ANKS3: variants seen among roughly 807,000 people sequenced by gnomAD.
The protein encoded by ANKS3 is ankyrin repeat and SAM domain-containing protein 3.
A neutral mutation model predicts 80.7 loss-of-function variants in ANKS3; 62 were observed. The observed-to-expected ratio is 0.77, with a 90% CI of 0.63 to 0.95. The LOEUF (loss-of-function observed/expected upper bound fraction) is 0.95, where lower values mean the gene tolerates loss of function less well. ANKS3 is among the 40% of genes least tolerant of loss of function. The pLI is 0.00. For synonymous variants in ANKS3, 489 were observed against 355.3 expected, an observed-to-expected ratio of 1.38 and a Z score of -4.23; for missense variants, 1,150 against 883.6, an observed-to-expected ratio of 1.30 and a Z score of -3.82.
intron 7 of ANKS3, among the ~76,000 whole-genome samples, chr16:4,711,616 G>A (rs528680437): frequency 1.3e-5 from 2 of 151,288 alleles, no homozygotes; most frequent in African/African-American, 2.4e-5. Context: ...TACTTGGGAC[G>A]CTGAGGCAGG....
intron 14 of ANKS3, 40 bp downstream of exon 14, chr16:4,698,387 C>G (rs2142019900): frequency 1.4e-6 from 2 of 1,446,638 alleles, no homozygotes; most frequent in Middle Eastern, 2.0e-4. Context: ...AGGTGGCTGA[C>G]CACTGGAGAC....
chr16:4,714,264 C>T, intron 6 of ANKS3, 78 bp from the exon 7 acceptor site: 3 of 1,574,932 alleles, frequency 1.9e-6, no homozygotes, highest in South Asian at 1.2e-5. Context: ...GCTGGGAAGA[C>T]AGAAGGGCAT....
Position 4,730,002 on chromosome 16 carries a change from C to A in ANKS3, c.148G>T (p.Val50Leu). ...TACCGCTGCACACACTCCTTCACCA[C>A]TTCATACTGGCCAATGGAAGCAGCT... ...HTAASIGQYE[V>L]VKECVQRREL... is the part of the protein sequence containing the mutation. The change falls in exon 3 of 18, where the codon GTG becomes TTG. Residue 50 changes from valine (V) to leucine (L), a missense_variant. Val to Leu is a conservative substitution (Grantham distance 32). Transcript: ENST00000304283. The A allele has an allele frequency of 5.2e-6, 8 of 1,550,808 alleles. No homozygotes were observed.
chr16:4,712,178 C>G (rs1467128312), intron 7 of ANKS3, among the ~76,000 whole-genome samples: 3 of 152,012 alleles, frequency 2.0e-5, no homozygotes, highest in Non-Finnish European at 4.4e-5. Context: ...CGAGACCAGC[C>G]TGGCCAACAT....
In ANKS3 at chr16:4,727,137, T is replaced by A; in HGVS notation, c.211A>T (p.Thr71Ser). The change falls in exon 4 of 18, where the codon ACC becomes TCC. Residue 71 changes from threonine (T) to serine (S), a missense_variant. Thr to Ser is a moderately conservative substitution (Grantham distance 58). Transcript: ENST00000304283. ...ATGTAGGAGGCATACATCAGCGGGG[T>A]CCAGCCACCACCATTCTTCTTATTC... The part of the protein sequence containing the change: ...DLNKKNGGGW[T>S]PLMYASYIGH... 1 of 1,614,060 alleles carries A rather than the reference T, an allele frequency of 6.2e-7. No homozygotes were observed. Among genetic ancestry groups the A allele is most frequent in the Non-Finnish European group, 8.5e-7 (1 of 1,180,004 alleles).
rs1596454805 is a variant in ANKS3 at position 4,727,021 on chromosome 16, G to A, written c.327C>T (p.Ala109=). Residue 109 remains alanine (A), a synonymous_variant, in exon 4 of 18, where the codon GCC becomes GCT. Coordinates refer to ENST00000304283, the MANE Select transcript of ANKS3 (RefSeq NM_133450.4). Reference sequence around the variant, plus strand: ...CGATGCTCTCGTTGCCACAGCTGGAGGCCAGCATCAGTGGAGTCTGCCCTT... The same window carrying A: ...CGATGCTCTCGTTGCCACAGCTGGAAGCCAGCATCAGTGGAGTCTGCCCTT... ...TPEGQTPLML[A]SSCGNESIAY... The A allele has an allele frequency of 6.2e-7, 1 of 1,614,186 alleles. No homozygotes were observed. The highest frequency in any genetic ancestry group is 1.3e-5 in the African/African-American group (1 of 75,046).
At chr16:4,724,414 T>G (rs530482333) in intron 6 of ANKS3, among the ~76,000 whole-genome samples, 179 of 152,260 alleles carry the variant, frequency 1.2e-3, no homozygotes, top group Middle Eastern at 6.8e-3. Flanking sequence ...ATCAGGGAGG[T>G]TGAAAAAGAG....
At chr16:4,713,436 C>T (rs1263221013) in intron 7 of ANKS3, among the ~76,000 whole-genome samples, 1 of 151,982 alleles carries the variant, frequency 6.6e-6, no homozygotes, top group Non-Finnish European at 1.5e-5. Context: ...ATAATTAATA[C>T]CCTGAGAGTT....
chr16:4,698,480 C>A lies in ANKS3; in HGVS notation c.1671G>T (p.Leu557=), dbSNP rs1480220086. The change falls in exon 14 of 18, where the codon CTG becomes CTT. Residue 557 remains leucine (L), a synonymous_variant. Coordinates refer to ENST00000304283, the MANE Select transcript of ANKS3 (RefSeq NM_133450.4). ...CCCGGGCCAGGGCCCACGTCTCCCG[C>A]AGCCGGGCCTGGAGGTCCTCGCGGG... The part of the protein sequence containing the change: ...DRAREDLQAR[L]RETWALARDA... 3 of 1,549,366 alleles carry A rather than the reference C, an allele frequency of 1.9e-6. No individual in the cohort carries two copies. Among genetic ancestry groups the A allele is most frequent in the Non-Finnish European group, 2.6e-6 (3 of 1,154,802 alleles).
chr16:4,698,355 G>T, intron 14 of ANKS3, 72 bp downstream of exon 14: 1 of 1,430,410 alleles, frequency 7.0e-7, no homozygotes, highest in Non-Finnish European at 9.1e-7. Flanking sequence ...AGGAGGAAAG[G>T]ATGTGTGGGG....
At chr16:4,701,253 G>A (rs2079885234) in intron 10 of ANKS3, 119 bp from the exon 11 acceptor site, 2 of 1,507,888 alleles carry the variant, frequency 1.3e-6, no homozygotes, top group African/African-American at 1.4e-5. Context: ...CCGCCACACA[G>A]GGGCTTCCGG....
chr16:4,701,965 C>T (rs1399034851), intron 9 of ANKS3, 137 bp downstream of exon 9: 5 of 1,104,912 alleles, frequency 4.5e-6, no homozygotes, highest in Admixed American at 2.7e-5. Context: ...GAACCAGGGC[C>T]GTCCACACCT....
intron 7 of ANKS3, among the ~76,000 whole-genome samples, chr16:4,707,272 G>A (rs1023491582): frequency 4.1e-5 from 6 of 147,642 alleles, no homozygotes; most frequent in Middle Eastern, 3.6e-3. Flanking sequence ...AATATGACAC[G>A]GAAGGACACT....
At chr16:4,706,948 G>A (rs1435508377) in intron 7 of ANKS3, among the ~76,000 whole-genome samples, 2 of 152,246 alleles carry the variant, frequency 1.3e-5, no homozygotes, top group Admixed American at 6.5e-5. Flanking sequence ...CTCAGGCCCT[G>A]AACGTGGGCC....
intron 11 of ANKS3, chr16:4,700,494 G>A (rs1396259729): frequency 3.3e-6 from 1 of 303,302 alleles, no homozygotes; most frequent in Non-Finnish European, 6.5e-6. Context: ...CACAGGGTAG[G>A]AGAACTCAGC....
intron 6 of ANKS3, among the ~76,000 whole-genome samples, chr16:4,723,395 C>G (rs915743597): frequency 1.3e-5 from 2 of 152,212 alleles, no homozygotes; most frequent in Non-Finnish European, 2.9e-5. Context: ...CCTGTTGTGT[C>G]TGGCTTCTTT....
At chr16:4,713,396 C>A (rs2080606446) in intron 7 of ANKS3, among the ~76,000 whole-genome samples, 1 of 152,004 alleles carries the variant, frequency 6.6e-6, no homozygotes, top group Non-Finnish European at 1.5e-5. Context: ...TCTCCAAAAA[C>A]CTACTGAAAT....
intron 11 of ANKS3, 29 bp downstream of exon 11, chr16:4,700,941 G>C: frequency 6.2e-7 from 1 of 1,613,346 alleles, no homozygotes; most frequent in Non-Finnish European, 8.5e-7. Context: ...GTCTCTGAGT[G>C]TAACCTCCAG....
chr16:4,715,263 G>C (rs1269481936), intron 6 of ANKS3, among the ~76,000 whole-genome samples: 1 of 152,000 alleles, frequency 6.6e-6, no homozygotes, highest in Non-Finnish European at 1.5e-5. Flanking sequence ...AACACAGCAT[G>C]AACCCACCTC....
Sources: allele counts gnomAD v4.1 joint callset (sites outside exome capture counted in the v4.1 genomes callset), GRCh38; gene constraint gnomAD v4.1.1; transcripts MANE v1.5; gene names NCBI Gene and HGNC (gene_info 2026-07-23, HGNC 2026-07-21).